SBNO1: variants seen among roughly 807,000 people sequenced by gnomAD.
SBNO1 encodes the protein protein strawberry notch homolog 1.
In SBNO1, 23 loss-of-function variants were observed where a neutral mutation model predicts 173.6. The ratio of observed to expected loss-of-function variants is 0.13; its 90% confidence interval spans 0.10 to 0.19. The LOEUF (loss-of-function observed/expected upper bound fraction) is 0.19, where lower values mean the gene tolerates loss of function less well. Ranked by LOEUF, SBNO1 falls within the 10% of genes least tolerant of loss-of-function variation. SBNO1 has a pLI of 1.00. For synonymous variants in SBNO1, 632 were observed against 571.5 expected (o/e 1.11, Z -1.51); for missense variants, 1,238 against 1,671.2 (o/e 0.74, Z 4.52).
At chr12:123,323,455 C>T (rs1033904349) in intron 16 of SBNO1, among the ~76,000 whole-genome samples, 4 of 151,982 alleles carry the variant, frequency 2.6e-5, no homozygotes, top group East Asian at 1.9e-4. Flanking sequence ...CCTGGGTTCA[C>T]GACATTCTCC....
At chr12:123,362,998 G>A (rs1875556726) in intron 1 of SBNO1, among the ~76,000 whole-genome samples, 1 of 151,990 alleles carries the variant, frequency 6.6e-6, no homozygotes, top group Admixed American at 6.6e-5. Flanking sequence ...GAAGTGGGAC[G>A]ATCGCTTGAG....
chr12:123,356,378 C>T (rs1474450893), intron 1 of SBNO1, among the ~76,000 whole-genome samples: 1 of 152,090 alleles, frequency 6.6e-6, no homozygotes, highest in Non-Finnish European at 1.5e-5. Flanking sequence ...CACTTTATTC[C>T]CCAGAATACA....
intron 4 of SBNO1, among the ~76,000 whole-genome samples, chr12:123,342,512 T>G (rs1415642459): frequency 1.3e-5 from 2 of 152,178 alleles, no homozygotes; most frequent in African/African-American, 4.8e-5. Flanking sequence ...CAATTTCATG[T>G]GATCTGGTGG....
intron 1 of SBNO1, among the ~76,000 whole-genome samples, chr12:123,363,030 G>T (rs1272736475): frequency 2.0e-5 from 3 of 152,106 alleles, no homozygotes; most frequent in Non-Finnish European, 4.4e-5. Context: ...AAGCTGCAGT[G>T]AGCTATGACC....
At chr12:123,311,268 T>G in intron 24 of SBNO1, 139 bp from the exon 25 acceptor site, 1 of 651,050 alleles carries the variant, frequency 1.5e-6, no homozygotes, top group African/African-American at 1.8e-5. Context: ...ATGGAGAAAA[T>G]GTGGAGAGAA....
At chr12:123,362,543 A>T (rs1187876141) in intron 1 of SBNO1, among the ~76,000 whole-genome samples, 2 of 148,742 alleles carry the variant, frequency 1.3e-5, no homozygotes, top group Non-Finnish European at 3.0e-5. Context: ...AGGTGAGTGG[A>T]TCACTTGAGG....
chr12:123,311,691 C>CAATCTAT (rs1424278237), intron 24 of SBNO1, among the ~76,000 whole-genome samples: 1,554 of 121,724 alleles, frequency 0.013, 15 homozygotes, highest in Non-Finnish European at 0.02. Context: ...AAACAAGTAA[C>CAATCTAT]CTATCTATCT....
At chr12:123,363,660 C>T (rs1875675153) in intron 1 of SBNO1, among the ~76,000 whole-genome samples, 1 of 152,122 alleles carries the variant, frequency 6.6e-6, no homozygotes. Flanking sequence ...TGGATAAAAA[C>T]GTTGCTTTAT....
intron 1 of SBNO1, among the ~76,000 whole-genome samples, chr12:123,356,399 G>C (rs1218921307): frequency 6.6e-6 from 1 of 152,142 alleles, no homozygotes; most frequent in Non-Finnish European, 1.5e-5. Flanking sequence ...AACTTTGTTA[G>C]CAATCCATTA....
At chr12:123,306,867 T>A (rs1159517936) in intron 28 of SBNO1, among the ~76,000 whole-genome samples, 1 of 151,840 alleles carries the variant, frequency 6.6e-6, no homozygotes, top group Admixed American at 6.6e-5. Flanking sequence ...CAAATCAACC[T>A]ACAGTTCAAT....
intron 1 of SBNO1, among the ~76,000 whole-genome samples, chr12:123,356,575 G>A (rs767694040): frequency 2.8e-4 from 42 of 152,152 alleles, no homozygotes; most frequent in Non-Finnish European, 5.1e-4. Flanking sequence ...CAGAGTAGCT[G>A]GTATTACAGG....
intron 13 of SBNO1, among the ~76,000 whole-genome samples, chr12:123,326,903 G>A (rs1870670261): frequency 6.6e-6 from 1 of 152,064 alleles, no homozygotes; most frequent in African/African-American, 2.4e-5. Context: ...CTCCAGTCTG[G>A]GTGACAGAGT....
intron 21 of SBNO1, 51 bp from the exon 22 acceptor site, chr12:123,315,711 G>A (rs758108321): frequency 1.0e-6 from 1 of 999,496 alleles, no homozygotes; most frequent in South Asian, 1.3e-5. Context: ...GCTGGACAGA[G>A]AATATTCTGA....
intron 30 of SBNO1, among the ~76,000 whole-genome samples, chr12:123,299,511 C>A (rs2048712108): frequency 6.6e-6 from 1 of 151,014 alleles, no homozygotes; most frequent in Non-Finnish European, 1.5e-5. Context: ...GAAACCCCGT[C>A]TCTACTAAAA....
intron 29 of SBNO1, among the ~76,000 whole-genome samples, chr12:123,303,457 C>G (rs1422505264): frequency 2.0e-5 from 3 of 151,938 alleles, no homozygotes; most frequent in Non-Finnish European, 4.4e-5. Context: ...ACCAGCCTGG[C>G]TAACATGGTG....
At chr12:123,298,829 C>T (rs549337277) in intron 30 of SBNO1, among the ~76,000 whole-genome samples, 54 of 152,294 alleles carry the variant, frequency 3.5e-4, no homozygotes, top group African/African-American at 1.3e-3. Context: ...GTGGCTCATG[C>T]CTGTAATCAC....
At position 123,320,618 on chromosome 12, in the gene SBNO1, A is replaced by G. The variant is rs757625923; in HGVS notation, c.2492-11T>C. Reference sequence around the variant, plus strand: ...TGGTGTTACTGTTAGCTAGATAAAGAACATTTGCTAAAAGTTAGTACAAAG... The same window carrying G: ...TGGTGTTACTGTTAGCTAGATAAAGGACATTTGCTAAAAGTTAGTACAAAG... On this transcript the variant is annotated splice_polypyrimidine_tract_variant and intron_variant, in intron 18 of 31. Transcript: ENST00000602398. The G allele has an allele frequency of 2.3e-5, 37 of 1,603,764 alleles. No individual in the cohort carries two copies. Among genetic ancestry groups the G allele is most frequent in the Admixed American group, 1.4e-4 (8 of 57,296 alleles).
At chr12:123,297,476 G>A (rs2048649088) in intron 31 of SBNO1, among the ~76,000 whole-genome samples, 1 of 137,036 alleles carries the variant, frequency 7.3e-6, no homozygotes, top group South Asian at 2.5e-4. Context: ...CGTGGTAGAG[G>A]AAGGCTGCTG....
intron 19 of SBNO1, 95 bp from the exon 20 acceptor site, chr12:123,320,126 C>G: frequency 7.2e-7 from 1 of 1,395,882 alleles, no homozygotes; most frequent in Non-Finnish European, 1.0e-6. Context: ...GAGATAAGAG[C>G]ACAGGCTGTG....
Sources: gnomAD v4.1 joint callset for allele counts (sites outside exome capture counted in the v4.1 genomes callset) on GRCh38, gnomAD v4.1.1 for gene constraint, MANE v1.5 for transcripts, NCBI Gene and HGNC (gene_info 2026-07-23, HGNC 2026-07-21) for gene names.